Variants in MZT2A observed in about 807,000 individuals in gnomAD.
MZT2A encodes the protein mitotic-spindle organizing protein 2A.
Under a neutral mutation model 12.4 loss-of-function variants are expected in MZT2A, and 8 were observed. The observed-to-expected ratio is 0.64, with a 90% CI of 0.38 to 1.16. The LOEUF (loss-of-function observed/expected upper bound fraction) is 1.16, where lower values mean the gene tolerates loss of function less well. Ranked by LOEUF, MZT2A falls within the 50% of genes most tolerant of loss-of-function variation. The pLI, the probability that MZT2A is intolerant of heterozygous loss-of-function variation, is 0.01. For missense variants in MZT2A, 181 were observed against 223.6 expected (o/e 0.81, Z 1.22); for synonymous variants, 88 against 107.5 (o/e 0.82, Z 1.12).
chr2:131,486,718 T>C (rs376651059), intron 2 of MZT2A, among the ~76,000 whole-genome samples: 119 of 151,876 alleles, frequency 7.8e-4, no homozygotes, highest in East Asian at 2.5e-3. Flanking sequence ...CCGGAACCCA[T>C]GGCCTCGAGG....
downstream of MZT2A, chr2:131,479,429 C>T: frequency 3.7e-6 from 6 of 1,614,132 alleles, no homozygotes; most frequent in Non-Finnish European, 5.1e-6. Context: ...AGATTGTTGA[C>T]CTAGTCCTGG....
intron 3 of MZT2A, among the ~76,000 whole-genome samples, chr2:131,471,017 A>G (rs1410306563): frequency 7.1e-6 from 1 of 140,042 alleles, no homozygotes; most frequent in Non-Finnish European, 1.5e-5. Flanking sequence ...CACTTGCTGC[A>G]CTGATGACCC....
At chr2:131,476,473 G>A (rs935581450) in intron 2 of MZT2A, among the ~76,000 whole-genome samples, 2 of 152,172 alleles carry the variant, frequency 1.3e-5, no homozygotes, top group Non-Finnish European at 2.9e-5. Context: ...TAGTGGCGTC[G>A]CCTCCTGAAG....
At chr2:131,477,238 A>G (rs1445607049) in intron 2 of MZT2A, among the ~76,000 whole-genome samples, 8 of 151,436 alleles carry the variant, frequency 5.3e-5, no homozygotes, top group African/African-American at 1.7e-4. Context: ...GGGACTCACT[A>G]TGTTACCCAG....
chr2:131,492,962 C>G, upstream of MZT2A: 1 of 1,524,846 alleles, frequency 6.6e-7, no homozygotes, highest in South Asian at 1.2e-5. Flanking sequence ...CCTGGCCGGC[C>G]GGCCGGCCTT....
upstream of MZT2A, chr2:131,492,434 C>T: frequency 8.3e-7 from 1 of 1,200,450 alleles, no homozygotes; most frequent in Non-Finnish European, 1.0e-6. Context: ...CGGATGCGCC[C>T]ACCGCCCTCT....
intron 2 of MZT2A, chr2:131,478,912 G>A (rs920716324): frequency 9.3e-6 from 2 of 215,784 alleles, no homozygotes; most frequent in Non-Finnish European, 1.8e-5. Flanking sequence ...AGGTCATCCA[G>A]GGTGCCCTGA....
At chr2:131,489,641 T>A (rs1388828322) in intron 2 of MZT2A, 1 of 155,056 alleles carries the variant, frequency 6.4e-6, no homozygotes, top group African/African-American at 2.4e-5. Context: ...GTGCTGGGAT[T>A]ACAGGCGTGA....
chr2:131,484,937 A>C (rs1226761097), intron 2 of MZT2A, among the ~76,000 whole-genome samples: 1 of 152,160 alleles, frequency 6.6e-6, no homozygotes, highest in Non-Finnish European at 1.5e-5. Flanking sequence ...TTTACTCTTT[A>C]AGATAGCCAA....
intron 2 of MZT2A, among the ~76,000 whole-genome samples, chr2:131,485,874 G>A (rs866920756): frequency 4.6e-5 from 7 of 151,860 alleles, no homozygotes; most frequent in Non-Finnish European, 8.8e-5. Context: ...CTGAGATGCC[G>A]TGGACCCCCG....
upstream of MZT2A, among the ~76,000 whole-genome samples, chr2:131,493,321 GGCCAT>G (rs2104747014): frequency 6.6e-6 from 1 of 152,288 alleles, no homozygotes; most frequent in African/African-American, 2.4e-5. Flanking sequence ...CACTCCTCTG[GGCCAT>G]GCCTTTGTGC....
rs183055682 is a variant in MZT2A at position 131,476,618 on chromosome 2, C to T, written c.279-4436G>A. On this transcript the variant is annotated intron_variant and NMD_transcript_variant, in intron 2 of 4. Coordinates refer to the MZT2A transcript ENST00000427024. ...AGGAATTAAGGCTCAGACGCTGCTG[C>T]AACATTGCCTTGTTCACCTAAAGGC... Among the ~76,000 whole-genome samples, 873 of 152,262 alleles carry T rather than the reference C, an allele frequency of 5.7e-3. 7 individuals are homozygous for T. Among genetic ancestry groups the T allele is most frequent in the African/African-American group, 0.02 (832 of 41,534 alleles).
intron 2 of MZT2A, among the ~76,000 whole-genome samples, chr2:131,488,169 G>A (rs1199699670): frequency 6.6e-6 from 1 of 152,156 alleles, no homozygotes; most frequent in Non-Finnish European, 1.5e-5. Flanking sequence ...TGAGACTCAC[G>A]GCTTCCACAC....
At chr2:131,489,841 C>G (rs1390520606) in intron 2 of MZT2A, 1 of 960,696 alleles carries the variant, frequency 1.0e-6, no homozygotes, top group African/African-American at 1.8e-5. Context: ...CTGCCTCTCA[C>G]TGGACTGAGT....
At chr2:131,490,743 G>A in intron 2 of MZT2A, 2 of 1,546,188 alleles carry the variant, frequency 1.3e-6, no homozygotes, top group Non-Finnish European at 8.7e-7. Context: ...CAGCAAGAGA[G>A]GCGGAGGGAA....
At chr2:131,479,790 A>T (rs2313999), downstream of MZT2A, among the ~76,000 whole-genome samples, 25,809 of 151,962 alleles carry the variant, frequency 0.17, 3,996 homozygotes, top group African/African-American at 0.41. Context: ...CAATGAGCTG[A>T]GATTGCACTA....
chr2:131,490,163 G>A (rs1679230437), intron 2 of MZT2A: 2 of 698,016 alleles, frequency 2.9e-6, no homozygotes, highest in African/African-American at 1.9e-5. Context: ...GCTCTCACAG[G>A]CCCCTGATCA....
intron 2 of MZT2A, among the ~76,000 whole-genome samples, chr2:131,474,966 CT>C (rs1357546234): frequency 1.3e-5 from 2 of 151,878 alleles, no homozygotes; most frequent in African/African-American, 2.4e-5. Context: ...CAAATAAACT[CT>C]ATTTTTTTTT....
chr2:131,493,151 C>G, upstream of MZT2A: 1 of 1,440,320 alleles, frequency 6.9e-7, no homozygotes, highest in South Asian at 1.5e-5. Flanking sequence ...GTGAGTGGCG[C>G]GGGACGCGCG....
Sources: allele counts gnomAD v4.1 joint callset (sites outside exome capture counted in the v4.1 genomes callset), GRCh38; gene constraint gnomAD v4.1.1; transcripts MANE v1.5; gene names NCBI Gene and HGNC (gene_info 2026-07-23, HGNC 2026-07-21).